PTPN1: variants seen among roughly 807,000 people sequenced by gnomAD.
The protein encoded by PTPN1 is protein tyrosine phosphatase non-receptor type 1.
In PTPN1, 12 loss-of-function variants were observed where a neutral mutation model predicts 59.9. The ratio of observed to expected loss-of-function variants is 0.20; its 90% CI spans 0.13 to 0.32. PTPN1 has a LOEUF of 0.32. Among genes scored for constraint, PTPN1 ranks in the 10% least tolerant of loss-of-function variants. The probability of loss-of-function intolerance (pLI) is 1.00; values close to 1 mark genes in which losing one functional copy is unlikely to be tolerated. For synonymous variants in PTPN1, 178 were observed against 203.6 expected (o/e 0.87, Z 1.07); for missense variants, 356 against 549.2 (o/e 0.65, Z 3.52).
rs2092561761 is a variant in PTPN1 at position 50,510,394 on chromosome 20, G to C, written c.-134G>C. On this transcript the variant is annotated 5_prime_UTR_variant, in exon 1 of 10. Coordinates refer to ENST00000371621, the MANE Select transcript of PTPN1 (RefSeq NM_002827.4). ...GGCTGCCGGTTGACATGAAGAAGCAGCAGCGGCTAGGGCGGCGGTAGCTGC... is the reference window on the plus strand; with the variant it reads ...GGCTGCCGGTTGACATGAAGAAGCACCAGCGGCTAGGGCGGCGGTAGCTGC... The C allele has an allele frequency of 1.1e-6, 1 of 930,672 alleles. No homozygotes were observed. Among genetic ancestry groups the C allele is most frequent in the South Asian group, 1.6e-5 (1 of 64,102 alleles). 57.7% of individuals were successfully genotyped at this position (930,672 alleles called of 1,614,324 possible).
intron 1 of PTPN1, among the ~76,000 whole-genome samples, chr20:50,553,543 G>A (rs986167039): frequency 6.6e-6 from 1 of 152,110 alleles, no homozygotes; most frequent in Admixed American, 6.6e-5. Context: ...AGCTTGCATC[G>A]GCCAGAACGG....
intron 2 of PTPN1, among the ~76,000 whole-genome samples, chr20:50,562,348 C>T (rs1385189047): frequency 6.6e-6 from 1 of 152,186 alleles, no homozygotes; most frequent in African/African-American, 2.4e-5. Context: ...AGCAGTGCAT[C>T]CTGACCTGAC....
intron 1 of PTPN1, among the ~76,000 whole-genome samples, chr20:50,529,499 G>A (rs1363041957): frequency 1.3e-5 from 2 of 152,164 alleles, no homozygotes; most frequent in Non-Finnish European, 2.9e-5. Flanking sequence ...AACTTTTACT[G>A]GTTTGGAATT....
At chr20:50,577,049 A>G (rs2082840357) in intron 5 of PTPN1, among the ~76,000 whole-genome samples, 1 of 152,186 alleles carries the variant, frequency 6.6e-6, no homozygotes, top group African/African-American at 2.4e-5. Context: ...TCTAGCAATT[A>G]TCCTAACATA....
At chr20:50,540,126 G>A (rs1413397362) in intron 1 of PTPN1, among the ~76,000 whole-genome samples, 3 of 152,094 alleles carry the variant, frequency 2.0e-5, no homozygotes, top group Non-Finnish European at 4.4e-5. Context: ...CGTGATCTCG[G>A]CTCACTGCAA....
At chr20:50,536,627 G>A (rs144021056) in intron 1 of PTPN1, among the ~76,000 whole-genome samples, 37 of 152,298 alleles carry the variant, frequency 2.4e-4, no homozygotes, top group African/African-American at 8.9e-4. Flanking sequence ...ATCGCCTCCT[G>A]ACATACCATT....
At chr20:50,553,620 T>G (rs6512654) in intron 1 of PTPN1, among the ~76,000 whole-genome samples, 18,533 of 152,104 alleles carry the variant, frequency 0.12, 1,255 homozygotes, top group African/African-American at 0.18. Flanking sequence ...CCATCAGATA[T>G]GCAAAAAGTA....
intron 1 of PTPN1, among the ~76,000 whole-genome samples, chr20:50,513,473 G>A (rs756762253): frequency 2.6e-5 from 4 of 152,048 alleles, no homozygotes; most frequent in African/African-American, 4.8e-5. Context: ...GGTTGGGTCC[G>A]GTGTTTTGCT....
chr20:50,525,169 C>T (rs999129662), intron 1 of PTPN1, among the ~76,000 whole-genome samples: 1 of 152,066 alleles, frequency 6.6e-6, no homozygotes, highest in Non-Finnish European at 1.5e-5. Flanking sequence ...AAGCGATTCT[C>T]CTGCCTCAGC....
chr20:50,581,563 T>A, intron 9 of PTPN1, 103 bp downstream of exon 9: 1 of 1,293,902 alleles, frequency 7.7e-7, no homozygotes, highest in Non-Finnish European at 1.0e-6. Flanking sequence ...TCTGAGCCAG[T>A]CTCAGAAGAA....
rs1327031173 is a variant in PTPN1 at position 50,579,254 on chromosome 20, A to G, written c.789A>G (p.Thr263=). 4 of 1,614,120 alleles carry G rather than the reference A, an allele frequency of 2.5e-6. No homozygotes were observed. The highest frequency in any genetic ancestry group is 1.7e-5 in the Admixed American group (1 of 60,018). The change falls in exon 7 of 10, where the codon ACA becomes ACG. Residue 263 remains threonine, a synonymous_variant. Coordinates refer to ENST00000371621, the MANE Select transcript of PTPN1 (RefSeq NM_002827.4). ...AGTTTCGGATGGGGCTGATCCAGAC[A>G]GCCGACCAGCTGCGCTTCTCCTACC... ...MRKFRMGLIQ[T]ADQLRFSYLA... is the part of the protein sequence containing the mutation.
chr20:50,568,275 C>T lies in PTPN1; in HGVS notation c.256-105C>T. On this transcript the variant is annotated intron_variant, in intron 3 of 9. Coordinates refer to ENST00000371621, the MANE Select transcript of PTPN1 (RefSeq NM_002827.4). This position sits in a 1 kb window ranked among gnomAD's most constrained non-coding sequence, Gnocchi z 5.6. ...AGCCTCAGCCACCACTCTGCCTAAG[C>T]TGTGGGGACTGAGGGCGCTGTCGTT... The T allele has an allele frequency of 1.1e-6, 1 of 938,450 alleles. No individual in the cohort carries two copies. The allele number at this position is 938,450 out of a possible 1,614,324, so 58.1% of individuals were successfully genotyped here.
At chr20:50,524,191 G>C (rs1015874255) in intron 1 of PTPN1, among the ~76,000 whole-genome samples, 1 of 152,156 alleles carries the variant, frequency 6.6e-6, no homozygotes, top group African/African-American at 2.4e-5. Context: ...CGACCAGATA[G>C]TGAAGGCATC....
At chr20:50,544,046 A>G (rs975557985) in intron 1 of PTPN1, among the ~76,000 whole-genome samples, 3 of 152,066 alleles carry the variant, frequency 2.0e-5, no homozygotes, top group Non-Finnish European at 2.9e-5. Context: ...GGGTTTCACC[A>G]TGTTGTCCAG....
intron 1 of PTPN1, among the ~76,000 whole-genome samples, chr20:50,547,553 G>A (rs1464492330): frequency 6.6e-6 from 1 of 151,992 alleles, no homozygotes; most frequent in Non-Finnish European, 1.5e-5. Flanking sequence ...TAGTAGAGAC[G>A]GGGTTTCACT....
At chr20:50,517,819 A>G (rs2082535444) in intron 1 of PTPN1, among the ~76,000 whole-genome samples, 1 of 152,088 alleles carries the variant, frequency 6.6e-6, no homozygotes, top group South Asian at 2.1e-4. Context: ...AGGATTAACC[A>G]CTTGAAGTAA....
At chr20:50,522,840 G>A (rs555780980) in intron 1 of PTPN1, among the ~76,000 whole-genome samples, 48 of 152,118 alleles carry the variant, frequency 3.2e-4, no homozygotes, top group Admixed American at 9.2e-4. Context: ...TGTAACATCC[G>A]CCTCCCGAGT....
chr20:50,531,850 C>T (rs999760735), intron 1 of PTPN1, among the ~76,000 whole-genome samples: 4 of 152,200 alleles, frequency 2.6e-5, no homozygotes, highest in Admixed American at 2.6e-4. Context: ...CCTCTCCCCG[C>T]TAGTGGTACC....
chr20:50,555,162 G>A (rs1196893837), intron 1 of PTPN1, among the ~76,000 whole-genome samples: 1 of 152,170 alleles, frequency 6.6e-6, no homozygotes, highest in Non-Finnish European at 1.5e-5. Context: ...TCAATTAAAT[G>A]AAAAGCTGGT....
Sources: gnomAD v4.1 joint callset for allele counts (sites outside exome capture counted in the v4.1 genomes callset) on GRCh38, gnomAD v4.1.1 for gene constraint, Gnocchi (gnomAD v3.1) non-coding constraint, MANE v1.5 for transcripts, NCBI Gene and HGNC (gene_info 2026-07-23, HGNC 2026-07-21) for gene names.